Variants in NCAN observed in about 807,000 individuals in gnomAD.
NCAN encodes neurocan.
In NCAN, 47 loss-of-function variants were observed where a neutral mutation model predicts 121.8. The ratio of observed to expected loss-of-function variants is 0.39; its 90% confidence interval spans 0.31 to 0.49. NCAN has a LOEUF of 0.49. NCAN is among the 20% of genes least tolerant of loss of function. The pLI, the probability that NCAN is intolerant of heterozygous loss-of-function variation, is 0.92. For missense variants in NCAN, 1,517 were observed against 1,773.4 expected (o/e 0.86, Z 2.60); for synonymous variants, 633 against 702.0 (o/e 0.90, Z 1.55).
chr19:19,247,314 C>T (rs575442729), intron 13 of NCAN, among the ~76,000 whole-genome samples: 6 of 152,012 alleles, frequency 3.9e-5, no homozygotes, highest in South Asian at 4.2e-4. Context: ...AGTGCAGTGG[C>T]GCAATCTCGG....
Position 19,219,087 on chromosome 19 carries a change from G to T in NCAN, c.246G>T (p.Arg82=). 6.2e-7 allele frequency: 1 copy of T among 1,612,412 alleles called. No individual in the cohort carries two copies. The highest frequency in any genetic ancestry group is 8.5e-7 in the Non-Finnish European group (1 of 1,179,046). Residue 82 remains arginine (R), a synonymous_variant, in exon 3 of 15, where the codon CGG becomes CGT. Coordinates refer to ENST00000252575, the MANE Select transcript of NCAN (RefSeq NM_004386.3). ...CTCGGATAAAGTGGACCAAGGTGCG[G>T]ACTGCGTCGGGCCAGCGACAGGACT... The part of the protein sequence containing the change: ...DAPRIKWTKV[R]TASGQRQDLP...
intron 12 of NCAN, among the ~76,000 whole-genome samples, chr19:19,245,095 G>A (rs997187047): frequency 2.6e-5 from 4 of 152,178 alleles, no homozygotes; most frequent in Admixed American, 1.3e-4. Flanking sequence ...GAGGACCAGG[G>A]AGGAGAATGC....
chr19:19,246,641 C>G (rs560070880), intron 13 of NCAN, among the ~76,000 whole-genome samples: 1 of 152,072 alleles, frequency 6.6e-6, no homozygotes, highest in African/African-American at 2.4e-5. Context: ...TCAAGCGATT[C>G]TCCTGCCTCA....
chr19:19,225,157 C>A lies in NCAN; in HGVS notation c.959C>A (p.Thr320Lys), dbSNP rs763542211. The A allele has an allele frequency of 6.5e-7, 1 of 1,530,208 alleles. No individual in the cohort carries two copies. The highest frequency in any genetic ancestry group is 8.7e-7 in the Non-Finnish European group (1 of 1,148,750). The allele number at this position is 1,530,208 out of a possible 1,614,324, so 94.8% of individuals were successfully genotyped here. A position where few individuals can be genotyped will look rare whatever the true frequency, so the allele number is the denominator to read the frequency against. ...ADGSVRYPIQTPRRRCGGPAP... is the reference protein window; with the variant it reads ...ADGSVRYPIQKPRRRCGGPAP... ...GGCAGCGTGCGCTACCCGATCCAGA[C>A]GCCGCGCCGGCGCTGCGGGGGCCCA... The change falls in exon 6 of 15, where the codon ACG becomes AAG. Residue 320 changes from threonine to lysine, a missense_variant. Thr to Lys is a moderately conservative substitution (Grantham distance 78). Transcript: ENST00000252575. The surrounding 1 kb of genome is among the most constrained non-coding windows in gnomAD (Gnocchi z 4.0).
intron 6 of NCAN, 57 bp from the exon 7 acceptor site, chr19:19,226,429 C>A: frequency 7.3e-7 from 1 of 1,373,226 alleles, no homozygotes; most frequent in South Asian, 1.4e-5. Flanking sequence ...AGACTTCAAG[C>A]AGAACTTCCC....
At chr19:19,223,473 T>A (rs34346921) in intron 3 of NCAN, among the ~76,000 whole-genome samples, 6,915 of 152,270 alleles carry the variant, frequency 0.045, 213 homozygotes, top group Non-Finnish European at 0.068. Context: ...TTCTTTTTTT[T>A]AATGTTTTAG....
intron 13 of NCAN, among the ~76,000 whole-genome samples, chr19:19,245,825 G>A (rs2060922505): frequency 6.6e-6 from 1 of 151,498 alleles, no homozygotes; most frequent in African/African-American, 2.4e-5. Flanking sequence ...CACAAATTTA[G>A]AGACAAGAAG....
At chr19:19,241,415 G>A (rs570138214) in intron 12 of NCAN, among the ~76,000 whole-genome samples, 11 of 151,964 alleles carry the variant, frequency 7.2e-5, no homozygotes, top group African/African-American at 2.7e-4. Context: ...GTGACAGAGC[G>A]AGACCCTGTC....
intron 12 of NCAN, 49 bp from the exon 13 acceptor site, chr19:19,245,264 G>T (rs537561465): frequency 1.2e-6 from 2 of 1,602,702 alleles, no homozygotes; most frequent in South Asian, 2.2e-5. Context: ...CCAGAACCTG[G>T]GCTGGAACAG....
At position 19,227,688 on chromosome 19, in the gene NCAN, G is replaced by A. The variant is rs538239403; in HGVS notation, c.2068G>A (p.Gly690Ser). The change falls in exon 8 of 15, where the codon GGT (glycine) becomes AGT (serine). Residue 690 changes from glycine (G) to serine (S), a missense_variant. Physicochemically the swap from Gly to Ser is moderately conservative, Grantham distance 56. Transcript: ENST00000252575. The surrounding 1 kb of genome is among the most constrained non-coding windows in gnomAD (Gnocchi z 4.2). ...TCTCTCTTTGACCCCAACAGGACAG[G>A]GTGGAGAGGCCATGCCCACAACACC... The part of the protein sequence containing the change: ...LPLSLTPTGQ[G>S]GEAMPTTPES... 1.9e-6 allele frequency: 3 copies of A among 1,614,024 alleles called. No individual in the cohort carries two copies. In the Admixed American group the frequency reaches 5.0e-5, roughly 27 times the overall value.
Position 19,250,418 on chromosome 19 carries a change from C to A in NCAN, c.*507C>A. On this transcript the variant is annotated 3_prime_UTR_variant, in exon 15 of 15. Coordinates refer to ENST00000252575, the MANE Select transcript of NCAN (RefSeq NM_004386.3). ...ACTGTTTTTGAACTTGACAACAGCT[C>A]TCCCTTTACCCTGGACTTCAGCCCA... 1 of 328,330 alleles carries A rather than the reference C, an allele frequency of 3.0e-6. No homozygotes were observed. The highest frequency in any genetic ancestry group is 2.6e-5 in the South Asian group (1 of 39,094). 20.3% of individuals were successfully genotyped at this position (328,330 alleles called of 1,614,324 possible).
intron 13 of NCAN, among the ~76,000 whole-genome samples, chr19:19,247,568 T>C (rs887842131): frequency 6.6e-6 from 1 of 151,922 alleles, no homozygotes; most frequent in African/African-American, 2.4e-5. Context: ...TTTAAAATTT[T>C]TTTGTAGAGA....
intron 10 of NCAN, among the ~76,000 whole-genome samples, chr19:19,237,974 C>T (rs555054288): frequency 3.3e-5 from 5 of 151,726 alleles, no homozygotes; most frequent in East Asian, 1.9e-4. Context: ...GTATGGGAGG[C>T]GGAGGTAGCA....
At position 19,226,808 on chromosome 19, in the gene NCAN, T is replaced by C. The variant is rs1012109717; in HGVS notation, c.1395T>C (p.Ser465=). Residue 465 remains serine (S), a synonymous_variant, in exon 7 of 15, where the codon AGT becomes AGC. Coordinates refer to ENST00000252575, the MANE Select transcript of NCAN (RefSeq NM_004386.3). ...PSDMGAGTAA[S]SHTEVAPTDP... ...ACATGGGGGCAGGCACTGCAGCAAG[T>C]TCACACACGGAGGTGGCCCCAACTG... 6 of 1,613,186 alleles carry C rather than the reference T, an allele frequency of 3.7e-6. No homozygotes were observed. In the African/African-American group the frequency reaches 8.0e-5, roughly 22 times the overall value.
At chr19:19,215,501 T>C (rs2060793213) in intron 1 of NCAN, among the ~76,000 whole-genome samples, 1 of 152,190 alleles carries the variant, frequency 6.6e-6, no homozygotes, top group South Asian at 2.1e-4. Context: ...TTGTCCACTT[T>C]ATCCCTATGG....
At chr19:19,232,213 A>G (rs2060862597) in intron 8 of NCAN, among the ~76,000 whole-genome samples, 1 of 152,170 alleles carries the variant, frequency 6.6e-6, no homozygotes, top group African/African-American at 2.4e-5. Context: ...TGGGCTCCAC[A>G]ATGAAGCCAA....
chr19:19,226,942 C>A lies in NCAN; in HGVS notation c.1529C>A (p.Pro510His). 6.3e-7 allele frequency: 1 copy of A among 1,576,812 alleles called. No individual in the cohort carries two copies. ...LQGGMEASAQ[P>H]PTSEAAVNQM... ...GGGGGGATGGAGGCCAGCGCCCAGC[C>A]CCCCACCTCAGAGGCTGCAGTGAAC... is the stretch of plus-strand genomic sequence containing the variant. The change falls in exon 7 of 15, where the codon CCC (proline) becomes CAC (histidine). Residue 510 changes from proline to histidine, a missense_variant. Coordinates refer to ENST00000252575, the MANE Select transcript of NCAN (RefSeq NM_004386.3).
In NCAN at chr19:19,225,187, C is replaced by G; in HGVS notation, c.989C>G (p.Pro330Arg). The change falls in exon 6 of 15, where the codon CCG becomes CGG. Residue 330 changes from proline (P) to arginine (R), a missense_variant. Coordinates refer to ENST00000252575, the MANE Select transcript of NCAN (RefSeq NM_004386.3). The surrounding 1 kb of genome is among the most constrained non-coding windows in gnomAD (Gnocchi z 4.0). ...TPRRRCGGPA[P>R]GVRTVYRFAN... ...CGCCGGCGCTGCGGGGGCCCAGCCC[C>G]GGGCGTGCGCACCGTCTACCGCTTC... 2 of 1,552,244 alleles carry G rather than the reference C, an allele frequency of 1.3e-6. No individual in the cohort carries two copies. The highest frequency in any genetic ancestry group is 1.7e-6 in the Non-Finnish European group (2 of 1,160,348).
intron 13 of NCAN, 54 bp from the exon 14 acceptor site, chr19:19,248,646 C>A: frequency 1.3e-6 from 2 of 1,534,314 alleles, no homozygotes; most frequent in Non-Finnish European, 1.8e-6. Flanking sequence ...ACAACAACAA[C>A]TAGTTTAGCC....
Sources: allele counts gnomAD v4.1 joint callset (sites outside exome capture counted in the v4.1 genomes callset), GRCh38; gene constraint gnomAD v4.1.1; non-coding constraint Gnocchi (gnomAD v3.1); transcripts MANE v1.5; gene names NCBI Gene and HGNC (gene_info 2026-07-23, HGNC 2026-07-21).